Variants in POLD3 observed in about 807,000 individuals in gnomAD.
POLD3 encodes the protein DNA polymerase delta 3, accessory subunit.
POLD3 carries 19 observed loss-of-function variants against 58.2 expected under a neutral mutation model. The observed-to-expected ratio is 0.33, with a 90% CI of 0.23 to 0.48. POLD3 has a LOEUF of 0.48. Ranked by LOEUF, POLD3 falls within the 20% of genes least tolerant of loss-of-function variation. The probability of loss-of-function intolerance (pLI) is 0.99; values close to 1 mark genes in which losing one functional copy is unlikely to be tolerated. For synonymous variants in POLD3, 172 were observed against 193.5 expected (o/e 0.89, Z 0.92); for missense variants, 504 against 545.5 (o/e 0.92, Z 0.76).
At chr11:74,659,670 G>A (rs1233793850) in intron 4 of POLD3, among the ~76,000 whole-genome samples, 2 of 147,306 alleles carry the variant, frequency 1.4e-5, no homozygotes, top group Non-Finnish European at 1.5e-5. Context: ...CTAGGGCACA[G>A]GCAAAATGCC....
chr11:74,626,791 T>C (rs2032445612), intron 8 of POLD3, among the ~76,000 whole-genome samples: 1 of 152,152 alleles, frequency 6.6e-6, no homozygotes, highest in African/African-American at 2.4e-5. Context: ...GGGCTGCATA[T>C]ATGACAGTGG....
chr11:74,622,161 A>G (rs1344878270), intron 7 of POLD3, among the ~76,000 whole-genome samples: 21 of 148,824 alleles, frequency 1.4e-4, no homozygotes, highest in South Asian at 2.1e-4. Flanking sequence ...GAGAATGATG[A>G]TTTCCAATTT....
At chr11:74,657,431 T>A (rs917662833) in intron 4 of POLD3, among the ~76,000 whole-genome samples, 5 of 152,202 alleles carry the variant, frequency 3.3e-5, no homozygotes, top group African/African-American at 1.2e-4. Flanking sequence ...ATCTGTTGTA[T>A]GTTTTTTGAT....
chr11:74,598,745 G>C (rs917348567), intron 2 of POLD3, among the ~76,000 whole-genome samples: 2 of 152,114 alleles, frequency 1.3e-5, no homozygotes, highest in Non-Finnish European at 2.9e-5. Flanking sequence ...GTGTCTCCAG[G>C]TAGTCGGACT....
At position 74,618,542 on chromosome 11, in the gene POLD3, G is replaced by C; in HGVS notation, c.398G>C (p.Ser133Thr). The change falls in exon 6 of 12, where the codon AGT becomes ACT. Residue 133 changes from serine (S) to threonine (T), a missense_variant. By Grantham distance (58) the Ser-to-Thr change is moderately conservative (BLOSUM62 1). This residue lies in a region of POLD3 where 119 missense variants were observed against 175.0 expected (regional missense o/e 0.68). Transcript: ENST00000263681. ...KSNLQNCSKF[S>T]AIQCAAAVPR... The stretch of plus-strand genomic sequence containing the variant: ...TGTAACATTTCTGTCCCCAGATTTA[G>C]TGCTATACAATGTGCAGCTGCCGTC... 6.2e-7 allele frequency: 1 copy of C among 1,611,436 alleles called. No individual in the cohort carries two copies. Among genetic ancestry groups the C allele is most frequent in the Non-Finnish European group, 8.5e-7 (1 of 1,178,044 alleles).
chr11:74,599,501 A>G (rs1288295206), intron 2 of POLD3, among the ~76,000 whole-genome samples: 1 of 150,952 alleles, frequency 6.6e-6, no homozygotes, highest in East Asian at 1.9e-4. Flanking sequence ...AATAGTGGGG[A>G]TTACAGCACC....
In POLD3 at chr11:74,640,700, A is replaced by G. The variant is rs772352537; in HGVS notation, c.1335A>G (p.Lys445=). The change falls in exon 12 of 12, where the codon AAA becomes AAG. Residue 445 remains lysine, a synonymous_variant. Coordinates refer to ENST00000263681, the MANE Select transcript of POLD3 (RefSeq NM_006591.3). The stretch of plus-strand genomic sequence containing the variant: ...GAGAGGAACGAAAGGGCCCCAAGAA[A>G]GGGACTGCTGCTCTGGGCAAAGCCA... ...EPREERKGPK[K]GTAALGKANR... 6.2e-7 allele frequency: 1 copy of G among 1,613,066 alleles called. No homozygotes were observed. The highest frequency in any genetic ancestry group is 1.1e-5 in the South Asian group (1 of 90,834).
chr11:74,634,017 T>C (rs2032673815), intron 9 of POLD3, among the ~76,000 whole-genome samples: 1 of 152,218 alleles, frequency 6.6e-6, no homozygotes, highest in Non-Finnish European at 1.5e-5. Flanking sequence ...GACTCTGGCA[T>C]GGAACATTTG....
chr11:74,596,102 A>G (rs896004741), intron 2 of POLD3, among the ~76,000 whole-genome samples: 4 of 147,418 alleles, frequency 2.7e-5, no homozygotes, highest in Non-Finnish European at 6.0e-5. Context: ...CCTGACCTCA[A>G]GTGATCCTCC....
Position 74,611,501 on chromosome 11 carries a change from C to A in POLD3, c.222C>A (p.Cys74Ter). Residue 74 changes from cysteine to a stop codon, truncating the protein, a stop_gained and splice_region_variant, in exon 4 of 12, where the codon TGC becomes TGA. Coordinates refer to ENST00000263681, the MANE Select transcript of POLD3 (RefSeq NM_006591.3). LOFTEE classifies it high-confidence loss of function. ...SGSLIQNGHS[C>*]HKVAVVREDK... ...AATAAAGTGTTATTTTCTTACAGTG[C>A]CACAAGGTTGCAGTAGTGAGAGAAG... is the stretch of plus-strand genomic sequence containing the variant. The A allele has an allele frequency of 1.3e-6, 2 of 1,555,294 alleles. No individual in the cohort carries two copies. Among genetic ancestry groups the A allele is most frequent in the Non-Finnish European group, 8.8e-7 (1 of 1,141,074 alleles).
At chr11:74,603,192 ACTTG>A (rs146028488) in intron 2 of POLD3, among the ~76,000 whole-genome samples, 2 of 152,284 alleles carry the variant, frequency 1.3e-5, no homozygotes, top group Non-Finnish European at 2.9e-5. Context: ...TGATTGAATG[ACTTG>A]ATTTGCATTT....
chr11:74,606,562 A>G (rs1049030221), intron 3 of POLD3, among the ~76,000 whole-genome samples: 1 of 152,216 alleles, frequency 6.6e-6, no homozygotes, highest in Non-Finnish European at 1.5e-5. Flanking sequence ...TTTTGAGTTC[A>G]TGGATCTTCT....
intron 7 of POLD3, among the ~76,000 whole-genome samples, chr11:74,620,454 G>C (rs2032217893): frequency 6.6e-6 from 1 of 152,146 alleles, no homozygotes; most frequent in South Asian, 2.1e-4. Context: ...GCTAGAGTCA[G>C]TTTGCCTGGT....
At chr11:74,594,323 C>T (rs993643955) in intron 2 of POLD3, among the ~76,000 whole-genome samples, 2 of 152,204 alleles carry the variant, frequency 1.3e-5, no homozygotes, top group African/African-American at 2.4e-5. Context: ...TATCTTTGCA[C>T]GTCCATCTTA....
chr11:74,650,418 A>C (rs993780963), intron 4 of POLD3, among the ~76,000 whole-genome samples: 1 of 152,198 alleles, frequency 6.6e-6, no homozygotes, highest in Non-Finnish European at 1.5e-5. Context: ...GTGCTACACA[A>C]CACACCCTTG....
intron 7 of POLD3, among the ~76,000 whole-genome samples, chr11:74,622,952 G>T (rs901761708): frequency 2.0e-5 from 3 of 152,170 alleles, no homozygotes; most frequent in African/African-American, 7.2e-5. Context: ...GTCATCTGAT[G>T]AATGGATAAA....
At chr11:74,651,413 G>A (rs1432330499) in intron 4 of POLD3, among the ~76,000 whole-genome samples, 2 of 152,152 alleles carry the variant, frequency 1.3e-5, no homozygotes, top group Non-Finnish European at 2.9e-5. Context: ...TCCATAGAGG[G>A]TACTGCCAAG....
downstream of POLD3, chr11:74,643,126 G>A (rs79323831): frequency 6.7e-3 from 1,065 of 159,862 alleles, 18 homozygotes; most frequent in African/African-American, 0.024. Flanking sequence ...TCACATACGC[G>A]CTCTACAAAA....
chr11:74,650,559 A>G (rs1257387459), intron 4 of POLD3, among the ~76,000 whole-genome samples: 1 of 152,364 alleles, frequency 6.6e-6, no homozygotes, highest in Middle Eastern at 3.4e-3. Flanking sequence ...TTTGGCAGCA[A>G]AGAAGCCTCT....
Sources: allele counts gnomAD v4.1 joint callset (sites outside exome capture counted in the v4.1 genomes callset), GRCh38; gene constraint gnomAD v4.1.1; regional missense constraint gnomAD v4.1.1; transcripts MANE v1.5; gene names NCBI Gene and HGNC (gene_info 2026-07-23, HGNC 2026-07-21).